Variants in SCN9A observed in about 807,000 individuals in gnomAD.
SCN9A encodes the protein sodium channel protein type 9 subunit alpha.
A neutral mutation model predicts 187.0 loss-of-function variants in SCN9A; 131 were observed. The observed-to-expected ratio is 0.70, with a 90% CI of 0.61 to 0.81. SCN9A has a LOEUF of 0.81. Among genes scored for constraint, SCN9A ranks in the 30% least tolerant of loss-of-function variants. SCN9A has a pLI of 0.00. For missense variants in SCN9A, 2,252 were observed against 2,396.6 expected, an observed-to-expected ratio of 0.94 and a Z score of 1.26; for synonymous variants, 809 against 808.6, an observed-to-expected ratio of 1.00 and a Z score of -0.01.
Position 166,228,674 on chromosome 2 carries a change from T to C in SCN9A, c.4206+17A>G, listed in dbSNP as rs1030963787. On this transcript the variant is annotated intron_variant, in intron 22 of 26. Transcript: ENST00000642356. The stretch of plus-strand genomic sequence containing the variant: ...TATCTATTAAAATACCAAGCACTCA[T>C]GAAATGGGACACTTACAACTTGAAG... 6 of 1,593,598 alleles carry C rather than the reference T, an allele frequency of 3.8e-6. No individual in the cohort carries two copies. Among genetic ancestry groups the C allele is most frequent in the South Asian group, 1.1e-5 (1 of 88,282 alleles).
rs546391192 is a variant in SCN9A at position 166,368,736 on chromosome 2, C to A, written c.-51+6961G>T. The stretch of plus-strand genomic sequence containing the variant: ...GGCATGGTGGCTCACGCCTATAATC[C>A]CAGCACTTTGGGGGGCCTAGGCGGG... On this transcript the variant is annotated intron_variant, in intron 1 of 26. Coordinates refer to ENST00000642356, the MANE Select transcript of SCN9A (RefSeq NM_001365536.1). 2.9e-3 allele frequency among the ~76,000 whole-genome samples: 440 copies of A among 150,742 alleles called. 2 individuals carry two copies. The highest frequency in any genetic ancestry group is 9.9e-3 in the African/African-American group (405 of 40,850).
intron 19 of SCN9A, among the ~76,000 whole-genome samples, chr2:166,242,067 C>T (rs1695588336): frequency 6.6e-6 from 1 of 152,160 alleles, no homozygotes; most frequent in Non-Finnish European, 1.5e-5. Context: ...ACGACTGTTG[C>T]TCGCCAGTTG....
chr2:166,295,215 G>C (rs115654500), intron 7 of SCN9A, among the ~76,000 whole-genome samples: 1 of 152,312 alleles, frequency 6.6e-6, no homozygotes, highest in Non-Finnish European at 1.5e-5. Flanking sequence ...GGCCAGTGTG[G>C]CTACAGTGTG....
chr2:166,241,905 G>T (rs1695581295), intron 19 of SCN9A, among the ~76,000 whole-genome samples: 1 of 152,110 alleles, frequency 6.6e-6, no homozygotes, highest in Non-Finnish European at 1.5e-5. Context: ...GAGTCAAGAA[G>T]GCAGGGGGAA....
chr2:166,207,177 A>G (rs550564584), intron 24 of SCN9A, among the ~76,000 whole-genome samples: 1 of 152,206 alleles, frequency 6.6e-6, no homozygotes, highest in Admixed American at 6.5e-5. Flanking sequence ...AGTATAATCC[A>G]TATAATTAAG....
At chr2:166,222,651 G>T (rs1694638813) in intron 24 of SCN9A, among the ~76,000 whole-genome samples, 1 of 143,086 alleles carries the variant, frequency 7.0e-6, no homozygotes, top group Non-Finnish European at 1.5e-5. Context: ...ACAGCAACAA[G>T]GCCGGGCGTG....
chr2:166,292,877 C>T (rs895906878), intron 9 of SCN9A, among the ~76,000 whole-genome samples: 1 of 152,070 alleles, frequency 6.6e-6, no homozygotes, highest in African/African-American at 2.4e-5. Flanking sequence ...ATCAGAGAGC[C>T]TCTTCTCTTC....
At chr2:166,200,244 G>A (rs1047644530) in intron 26 of SCN9A, among the ~76,000 whole-genome samples, 9 of 151,208 alleles carry the variant, frequency 6.0e-5, no homozygotes, top group African/African-American at 1.9e-4. Context: ...TGATCCGCCC[G>A]CCTCGGCCTC....
intron 10 of SCN9A, among the ~76,000 whole-genome samples, chr2:166,288,116 T>TACAC (rs1465117432): frequency 7.1e-5 from 7 of 98,852 alleles, no homozygotes; most frequent in South Asian, 5.9e-4. Context: ...TATATATATA[T>TACAC]ATATACACAC....
intron 1 of SCN9A, among the ~76,000 whole-genome samples, chr2:166,373,328 A>T (rs55681559): frequency 3.4e-4 from 35 of 104,250 alleles, no homozygotes; most frequent in East Asian, 6.8e-4. Flanking sequence ...TTTTTTTTTT[A>T]AATGCAGTTG....
intron 7 of SCN9A, among the ~76,000 whole-genome samples, chr2:166,294,890 C>A (rs962580453): frequency 1.5e-4 from 23 of 151,990 alleles, no homozygotes; most frequent in Non-Finnish European, 2.2e-4. Flanking sequence ...TAAATAAAAT[C>A]ATTAGTTTTA....
chr2:166,320,721 C>A (rs1200302461), intron 1 of SCN9A, among the ~76,000 whole-genome samples: 1 of 152,172 alleles, frequency 6.6e-6, no homozygotes, highest in Non-Finnish European at 1.5e-5. Context: ...TAACCCACAA[C>A]ACAAAATTAA....
At position 166,199,024 on chromosome 2, in the gene SCN9A, G is replaced by A. The variant is rs879254298; in HGVS notation, c.5615C>T (p.Pro1872Leu). 5 of 1,613,988 alleles carry A rather than the reference G, an allele frequency of 3.1e-6. No homozygotes were observed. Among genetic ancestry groups the A allele is most frequent in the Non-Finnish European group, 4.2e-6 (5 of 1,180,022 alleles). Reference sequence around the variant, plus strand: ...GATGGGTTCATAGGACACTTTGGAAGGATTTGCAGACATGAACCTTTCTTC... The same window carrying A: ...GATGGGTTCATAGGACACTTTGGAAAGATTTGCAGACATGAACCTTTCTTC... ...QMEERFMSAN[P>L]SKVSYEPITT... is the part of the protein sequence containing the mutation. Residue 1872 changes from proline (P) to leucine (L), a missense_variant, in exon 27 of 27, where the codon CCT (proline) becomes CTT (leucine). Physicochemically the swap from Pro to Leu is moderately conservative, Grantham distance 98. Transcript: ENST00000642356.
intron 24 of SCN9A, among the ~76,000 whole-genome samples, chr2:166,222,036 A>C (rs1694609589): frequency 6.6e-6 from 1 of 152,216 alleles, no homozygotes; most frequent in African/African-American, 2.4e-5. Context: ...CATAGCAGGA[A>C]AGCTTCATGA....
intron 1 of SCN9A, among the ~76,000 whole-genome samples, chr2:166,336,911 T>G (rs967165784): frequency 6.6e-6 from 1 of 152,098 alleles, no homozygotes; most frequent in Admixed American, 6.6e-5. Flanking sequence ...TTCATTATTT[T>G]TAAGGGACTA....
intron 18 of SCN9A, among the ~76,000 whole-genome samples, chr2:166,243,545 C>G (rs1695657230): frequency 6.6e-6 from 1 of 151,868 alleles, no homozygotes; most frequent in Non-Finnish European, 1.5e-5. Flanking sequence ...AGAGATGGAG[C>G]CTGGGTTGAA....
intron 1 of SCN9A, among the ~76,000 whole-genome samples, chr2:166,352,079 A>G (rs990402057): frequency 2.0e-5 from 3 of 152,048 alleles, no homozygotes; most frequent in African/African-American, 7.2e-5. Context: ...TGACATCTCA[A>G]AAAAAATAAG....
chr2:166,203,135 C>T (rs1002345231), intron 26 of SCN9A, among the ~76,000 whole-genome samples: 4 of 151,622 alleles, frequency 2.6e-5, no homozygotes, highest in Admixed American at 2.6e-4. Flanking sequence ...TATGCTTTTC[C>T]AAAATTATTG....
At chr2:166,222,972 A>AAAAAAAAAAAAAAAAAAC (rs1694683935) in intron 24 of SCN9A, among the ~76,000 whole-genome samples, 1 of 133,342 alleles carries the variant, frequency 7.5e-6, no homozygotes, top group African/African-American at 2.8e-5. Flanking sequence ...AAAAAAAAAA[A>AAAAAAAAAAAAAAAAAAC]CAGCAACAAA....
Sources: gnomAD v4.1 joint callset for allele counts (sites outside exome capture counted in the v4.1 genomes callset) on GRCh38, gnomAD v4.1.1 for gene constraint, MANE v1.5 for transcripts, NCBI Gene and HGNC (gene_info 2026-07-23, HGNC 2026-07-21) for gene names.